SLCO5A1: variants seen among roughly 807,000 people sequenced by gnomAD.
SLCO5A1 encodes solute carrier organic anion transporter family member 5A1.
A neutral mutation model predicts 65.1 loss-of-function variants in SLCO5A1; 39 were observed. That is an observed-to-expected ratio of 0.60 (90% CI 0.46 to 0.78). The LOEUF (loss-of-function observed/expected upper bound fraction) is 0.78. Ranked by LOEUF, SLCO5A1 falls within the 30% of genes least tolerant of loss-of-function variation. The probability of loss-of-function intolerance (pLI) is 0.00; values close to 1 mark genes in which losing one functional copy is unlikely to be tolerated. For missense variants in SLCO5A1, 1,029 were observed against 1,069.4 expected (o/e 0.96, Z 0.53); for synonymous variants, 438 against 415.7 (o/e 1.05, Z -0.65).
At chr8:69,768,366 C>T (rs1260341092) in intron 2 of SLCO5A1, among the ~76,000 whole-genome samples, 2 of 152,196 alleles carry the variant, frequency 1.3e-5, no homozygotes, top group African/African-American at 4.8e-5. Context: ...TCCTCCCAAC[C>T]TTGGCAAGAT....
chr8:69,814,718 T>C (rs1820334669), intron 2 of SLCO5A1, among the ~76,000 whole-genome samples: 1 of 152,182 alleles, frequency 6.6e-6, no homozygotes, highest in Non-Finnish European at 1.5e-5. Context: ...AGGAGATATT[T>C]GCATTCCCAT....
chr8:69,761,178 C>T (rs902409690), intron 3 of SLCO5A1, among the ~76,000 whole-genome samples: 2 of 152,134 alleles, frequency 1.3e-5, no homozygotes, highest in African/African-American at 4.8e-5. Flanking sequence ...GCCAGTGTCC[C>T]CAAACCCTCT....
intron 2 of SLCO5A1, among the ~76,000 whole-genome samples, chr8:69,774,892 G>A (rs1393022870): frequency 6.6e-6 from 1 of 152,148 alleles, no homozygotes; most frequent in East Asian, 1.9e-4. Flanking sequence ...CATATTCCCT[G>A]AAAAATAGCC....
At chr8:69,775,217 T>C (rs778336974) in intron 2 of SLCO5A1, among the ~76,000 whole-genome samples, 4 of 152,350 alleles carry the variant, frequency 2.6e-5, no homozygotes, top group Middle Eastern at 3.4e-3. Flanking sequence ...AATCATTGGT[T>C]GTAATTCACT....
At chr8:69,738,358 CA>C (rs1563692762) in intron 4 of SLCO5A1, among the ~76,000 whole-genome samples, 154 bp from the exon 5 acceptor site, 1 of 151,492 alleles carries the variant, frequency 6.6e-6, no homozygotes, top group Non-Finnish European at 1.5e-5. Context: ...GATTAGAAAC[CA>C]TCCTCTTTAA....
chr8:69,815,114 G>A (rs916546724), intron 2 of SLCO5A1, among the ~76,000 whole-genome samples: 1 of 152,148 alleles, frequency 6.6e-6, no homozygotes, highest in African/African-American at 2.4e-5. Flanking sequence ...AGTTAATAGA[G>A]TGTGGTACAT....
intron 2 of SLCO5A1, among the ~76,000 whole-genome samples, chr8:69,812,351 G>A (rs752166815): frequency 4.6e-5 from 7 of 152,180 alleles, no homozygotes; most frequent in Non-Finnish European, 7.3e-5. Context: ...TTACAGAAAA[G>A]GAACTGAGGT....
intron 4 of SLCO5A1, 131 bp downstream of exon 4, chr8:69,755,293 G>T: frequency 1.8e-6 from 1 of 567,674 alleles, no homozygotes; most frequent in Non-Finnish European, 2.8e-6. Context: ...TAAGAGTTTT[G>T]CAACACTTAC....
chr8:69,668,900 T>C lies in SLCO5A1; in HGVS notation c.*3969A>G, dbSNP rs1356745203. 1 of 152,182 alleles carries C rather than the reference T, an allele frequency of 6.6e-6. No individual in the cohort carries two copies. The highest frequency in any genetic ancestry group is 1.5e-5 in the Non-Finnish European group (1 of 68,026). 9.4% of individuals were successfully genotyped at this position (152,182 alleles called of 1,614,324 possible). Reference sequence around the variant, plus strand: ...TCGGGATCAGTGGTTTGATATGTATTTTATGTGTGTTCACTTAAAACCCTT... The same window carrying C: ...TCGGGATCAGTGGTTTGATATGTATCTTATGTGTGTTCACTTAAAACCCTT... On this transcript the variant is annotated 3_prime_UTR_variant, in exon 10 of 10. Transcript: ENST00000260126.
intron 2 of SLCO5A1, among the ~76,000 whole-genome samples, chr8:69,769,195 G>C (rs1305273722): frequency 6.6e-6 from 1 of 152,196 alleles, no homozygotes; most frequent in Non-Finnish European, 1.5e-5. Flanking sequence ...GACCCACACA[G>C]GCCACAGGAA....
chr8:69,733,462 C>G (rs1816422055), intron 5 of SLCO5A1, among the ~76,000 whole-genome samples: 1 of 152,216 alleles, frequency 6.6e-6, no homozygotes, highest in Non-Finnish European at 1.5e-5. Context: ...CAAAGCCATG[C>G]AACTAGTTAC....
chr8:69,808,223 G>T (rs1820088392), intron 2 of SLCO5A1, among the ~76,000 whole-genome samples: 1 of 151,158 alleles, frequency 6.6e-6, no homozygotes, highest in South Asian at 2.1e-4. Context: ...TTGTTACACA[G>T]GTAAACTTGT....
At chr8:69,769,637 A>C (rs1002543834) in intron 2 of SLCO5A1, among the ~76,000 whole-genome samples, 7 of 152,220 alleles carry the variant, frequency 4.6e-5, no homozygotes, top group African/African-American at 1.7e-4. Flanking sequence ...TATTTAATAC[A>C]TGACATACTT....
chr8:69,760,777 T>C (rs1340206563), intron 3 of SLCO5A1, among the ~76,000 whole-genome samples: 1 of 152,234 alleles, frequency 6.6e-6, no homozygotes, highest in Non-Finnish European at 1.5e-5. Flanking sequence ...AACGCAACTC[T>C]GTTATTTGGA....
chr8:69,711,815 G>A (rs1161562850), intron 5 of SLCO5A1, among the ~76,000 whole-genome samples: 2 of 152,146 alleles, frequency 1.3e-5, no homozygotes, highest in Non-Finnish European at 2.9e-5. Context: ...GAAAGGCTTC[G>A]AACAGTGTCT....
chr8:69,828,530 A>G (rs1297858539), intron 2 of SLCO5A1, among the ~76,000 whole-genome samples: 1 of 152,016 alleles, frequency 6.6e-6, no homozygotes, highest in Non-Finnish European at 1.5e-5. Context: ...TCAACCTGGA[A>G]GGCGGAGCTT....
chr8:69,832,803 G>T lies in SLCO5A1; in HGVS notation c.-130C>A. ...CTGGGACTGGGGCTGGGGGCGCAGG[G>T]CCGCGCAGCAGGGCATCCTCACCAG... On this transcript the variant is annotated 5_prime_UTR_variant, in exon 2 of 10. Transcript: ENST00000260126. This position sits in a 1 kb window ranked among gnomAD's most constrained non-coding sequence, Gnocchi z 4.5. The T allele has an allele frequency of 9.1e-7, 1 of 1,102,872 alleles. No homozygotes were observed. The highest frequency in any genetic ancestry group is 1.3e-6 in the Non-Finnish European group (1 of 793,596). The allele number at this position is 1,102,872 out of a possible 1,614,324, so 68.3% of individuals were successfully genotyped here.
chr8:69,679,693 T>C, intron 7 of SLCO5A1, 74 bp from the exon 8 acceptor site: 1 of 1,568,006 alleles, frequency 6.4e-7, no homozygotes, highest in Non-Finnish European at 8.7e-7. Context: ...TAAGACAAAG[T>C]TAAGTAAAAG....
chr8:69,725,365 G>A (rs1302080269), intron 5 of SLCO5A1, among the ~76,000 whole-genome samples: 1 of 152,082 alleles, frequency 6.6e-6, no homozygotes, highest in African/African-American at 2.4e-5. Flanking sequence ...TAAACATCGA[G>A]CTACCTTATT....
Sources: allele counts gnomAD v4.1 joint callset (sites outside exome capture counted in the v4.1 genomes callset), GRCh38; gene constraint gnomAD v4.1.1; non-coding constraint Gnocchi (gnomAD v3.1); transcripts MANE v1.5; gene names NCBI Gene and HGNC (gene_info 2026-07-23, HGNC 2026-07-21).